Variants in TCP11L1 observed in about 807,000 individuals in gnomAD.
The protein encoded by TCP11L1 is T-complex protein 11-like protein 1.
TCP11L1 carries 28 observed loss-of-function variants against 48.9 expected under a neutral mutation model. That is an observed-to-expected ratio of 0.57 (90% CI 0.42 to 0.78). The LOEUF (loss-of-function observed/expected upper bound fraction) is 0.78. TCP11L1 is among the 30% of genes least tolerant of loss of function. The pLI is 0.00. For synonymous variants in TCP11L1, 204 were observed against 231.9 expected, an observed-to-expected ratio of 0.88 and a Z score of 1.09; for missense variants, 505 against 613.4, an observed-to-expected ratio of 0.82 and a Z score of 1.87.
At chr11:33,056,131 A>G (rs1854301434) in intron 3 of TCP11L1, among the ~76,000 whole-genome samples, 1 of 151,896 alleles carries the variant, frequency 6.6e-6, no homozygotes, top group Non-Finnish European at 1.5e-5. Context: ...GTTTTTTGAG[A>G]CGGAATCTTG....
At chr11:33,064,710 C>G (rs1854562993) in intron 7 of TCP11L1, among the ~76,000 whole-genome samples, 1 of 152,216 alleles carries the variant, frequency 6.6e-6, no homozygotes, top group South Asian at 2.1e-4. Flanking sequence ...GTGCTGGGTG[C>G]TGAGCGGATA....
At chr11:33,071,563 G>A (rs930886902) in intron 9 of TCP11L1, among the ~76,000 whole-genome samples, 3 of 152,134 alleles carry the variant, frequency 2.0e-5, no homozygotes, top group Non-Finnish European at 4.4e-5. Context: ...ATTGTGAAGG[G>A]GAATGGACTA....
At chr11:33,052,247 A>C (rs1854182558) in intron 2 of TCP11L1, among the ~76,000 whole-genome samples, 1 of 152,224 alleles carries the variant, frequency 6.6e-6, no homozygotes, top group Non-Finnish European at 1.5e-5. Context: ...AAGTTAAAAA[A>C]AATTTTTTTA....
At chr11:33,059,224 A>G in intron 6 of TCP11L1, 129 bp downstream of exon 6, 10 of 1,255,180 alleles carry the variant, frequency 8.0e-6, no homozygotes, top group Non-Finnish European at 1.1e-5. Context: ...TAATTTGAAG[A>G]AGGAAAAGCA....
chr11:33,049,420 CACAGAG>C (rs946099430), intron 2 of TCP11L1, among the ~76,000 whole-genome samples: 7 of 152,210 alleles, frequency 4.6e-5, no homozygotes, highest in Admixed American at 1.3e-4. Flanking sequence ...AGAAATAAGA[CACAGAG>C]ACAAAGTATA....
chr11:33,045,763 G>A (rs891441023), intron 2 of TCP11L1, among the ~76,000 whole-genome samples: 4 of 152,120 alleles, frequency 2.6e-5, no homozygotes, highest in South Asian at 2.1e-4. Context: ...AAGTGGGTCC[G>A]GGGGCCAATG....
At position 33,072,365 on chromosome 11, in the gene TCP11L1, T is replaced by C. The variant is rs1183646831; in HGVS notation, c.1328-109T>C. On this transcript the variant is annotated intron_variant, in intron 9 of 9. Coordinates refer to ENST00000334274, the MANE Select transcript of TCP11L1 (RefSeq NM_018393.4). ...TGGGTATCTGGTCTGGGAGTATTGA[T>C]CGGGGACAACTTCCCCTAAGAGGTG... is the stretch of plus-strand genomic sequence containing the variant. 16 of 1,125,158 alleles carry C rather than the reference T, an allele frequency of 1.4e-5. No individual in the cohort carries two copies. The East Asian group carries it at 3.8e-4, about 26-fold the overall frequency. 69.7% of individuals were successfully genotyped at this position (1,125,158 alleles called of 1,614,324 possible). A position where few individuals can be genotyped will look rare whatever the true frequency, so the allele number is the denominator to read the frequency against.
In TCP11L1 at chr11:33,066,584, G is replaced by A. The variant is rs535962357; in HGVS notation, c.1154+573G>A. Reference sequence around the variant, plus strand: ...CATTCCCTGTTAGCATGCTCCTCCCGGGGCCTGGCTCGGTGTTGAGTGCCA... The same window carrying A: ...CATTCCCTGTTAGCATGCTCCTCCCAGGGCCTGGCTCGGTGTTGAGTGCCA... On this transcript the variant is annotated intron_variant, in intron 8 of 9. Coordinates refer to ENST00000334274, the MANE Select transcript of TCP11L1 (RefSeq NM_018393.4). Among the ~76,000 whole-genome samples, 3 of 152,170 alleles carry A rather than the reference G, an allele frequency of 2.0e-5. No homozygotes were observed. The South Asian group carries it at 6.2e-4, about 32-fold the overall frequency.
At chr11:33,047,967 T>G (rs1854048293) in intron 2 of TCP11L1, among the ~76,000 whole-genome samples, 1 of 152,204 alleles carries the variant, frequency 6.6e-6, no homozygotes, top group Non-Finnish European at 1.5e-5. Context: ...GACACCTTAG[T>G]AAAGATAGAG....
At chr11:33,065,185 C>T (rs1854579855) in intron 7 of TCP11L1, among the ~76,000 whole-genome samples, 1 of 152,206 alleles carries the variant, frequency 6.6e-6, no homozygotes, top group Admixed American at 6.5e-5. Context: ...CATCTTTCTT[C>T]AGCTTTAAAA....
intron 9 of TCP11L1, among the ~76,000 whole-genome samples, chr11:33,071,579 G>A (rs1458089834): frequency 3.3e-5 from 5 of 152,186 alleles, no homozygotes; most frequent in Admixed American, 2.6e-4. Flanking sequence ...GACTAGAAAA[G>A]CATCAACCTA....
At chr11:33,047,353 CAG>C (rs143245075) in intron 2 of TCP11L1, among the ~76,000 whole-genome samples, 4,263 of 152,250 alleles carry the variant, frequency 0.028, 83 homozygotes, top group Non-Finnish European at 0.042. Context: ...GTTCTTTAAA[CAG>C]AGTAAGGATC....
intron 8 of TCP11L1, among the ~76,000 whole-genome samples, chr11:33,066,847 T>C (rs1486167408): frequency 1.3e-5 from 2 of 152,146 alleles, no homozygotes; most frequent in Non-Finnish European, 2.9e-5. Context: ...CAGTAAGAAA[T>C]TCATTTTCCA....
At chr11:33,040,791 C>T (rs1853809785) in intron 1 of TCP11L1, 1 of 147,062 alleles carries the variant, frequency 6.8e-6, no homozygotes, top group South Asian at 2.1e-4. Context: ...TCTCCCCCTC[C>T]AGACATGTTT....
Position 33,043,917 on chromosome 11 carries a change from A to G in TCP11L1, c.144A>G (p.Gln48=). Residue 48 remains glutamine, a synonymous_variant, in exon 2 of 10, where the codon CAA becomes CAG. Transcript: ENST00000334274. ...KAIKSDSSSP[Q]RVQRPHSSPP... is the part of the protein sequence containing the mutation. ...TAAAGTCAGACTCCTCCAGCCCCCA[A>G]AGAGTGCAGAGACCTCACTGTAAGC... is the stretch of plus-strand genomic sequence containing the variant. 1 of 1,611,372 alleles carries G rather than the reference A, an allele frequency of 6.2e-7. No homozygotes were observed. Among genetic ancestry groups the G allele is most frequent in the Non-Finnish European group, 8.5e-7 (1 of 1,179,200 alleles).
At chr11:33,069,874 T>C (rs983203876) in intron 9 of TCP11L1, among the ~76,000 whole-genome samples, 3 of 152,164 alleles carry the variant, frequency 2.0e-5, no homozygotes, top group Non-Finnish European at 2.9e-5. Context: ...CCCAAAGTGC[T>C]GGGGTTAACA....
rs574448042 is a variant in TCP11L1, at chr11:33,052,577, T to C, written c.164-2016T>C. On this transcript the variant is annotated intron_variant, in intron 2 of 9. Transcript: ENST00000334274. The stretch of plus-strand genomic sequence containing the variant: ...CTGGGCAAACCAGTGACATTACTTA[T>C]CTAATTTTAAGGCCAGATCTTATCA... Among the ~76,000 whole-genome samples the C allele has an allele frequency of 2.6e-5, 4 of 152,312 alleles. No individual in the cohort carries two copies. In the East Asian group the frequency reaches 7.7e-4, roughly 29 times the overall value.
chr11:33,060,251 G>A (rs1309289103), intron 6 of TCP11L1, among the ~76,000 whole-genome samples: 2 of 152,184 alleles, frequency 1.3e-5, no homozygotes, highest in East Asian at 1.9e-4. Context: ...GGACCTGGAA[G>A]CTGGGGCATA....
chr11:33,056,858 T>G, intron 3 of TCP11L1: 1 of 477,804 alleles, frequency 2.1e-6, no homozygotes, highest in Non-Finnish European at 3.8e-6. Flanking sequence ...GGCACTGTCA[T>G]ATGCTGTTTC....
Sources: allele counts gnomAD v4.1 joint callset (sites outside exome capture counted in the v4.1 genomes callset), GRCh38; gene constraint gnomAD v4.1.1; transcripts MANE v1.5; gene names NCBI Gene and HGNC (gene_info 2026-07-23, HGNC 2026-07-21).